Variants in SLC35G1 observed in about 807,000 individuals in gnomAD.
SLC35G1 encodes the protein solute carrier family 35 member G1.
SLC35G1 carries 10 observed loss-of-function variants against 17.1 expected under a neutral mutation model. That is an observed-to-expected ratio of 0.59 (90% confidence interval 0.36 to 0.99). SLC35G1 has a LOEUF of 0.99. SLC35G1 is among the 50% of genes least tolerant of loss of function. SLC35G1 has a pLI of 0.01. For missense variants in SLC35G1, 433 were observed against 468.4 expected, an observed-to-expected ratio of 0.92 and a Z score of 0.70; for synonymous variants, 185 against 181.1, an observed-to-expected ratio of 1.02 and a Z score of -0.18.
chr10:93,904,065 C>T (rs2060414384), downstream of SLC35G1, among the ~76,000 whole-genome samples: 1 of 152,288 alleles, frequency 6.6e-6, no homozygotes, highest in South Asian at 2.1e-4. Flanking sequence ...TCTTCTAGAT[C>T]CTGAGAACTT....
In SLC35G1 at chr10:93,899,834, T is replaced by C. The variant is rs2060366030; in HGVS notation, c.360-918T>C. 2.0e-5 allele frequency among the ~76,000 whole-genome samples: 3 copies of C among 152,192 alleles called. No individual in the cohort carries two copies. In the South Asian group the frequency reaches 6.2e-4, roughly 32 times the overall value. On this transcript the variant is annotated intron_variant, in intron 2 of 2. Transcript: ENST00000427197. ...TCTCCCCCATTTTGAAATAAAGATA[T>C]TGTCAGGGGAAGGACACTGGAAGAA...
Position 93,901,790 on chromosome 10 carries a change from ATT to A in SLC35G1, c.*302_*303del, listed in dbSNP as rs200637787. 2 of 203,744 alleles carry A rather than the reference ATT, an allele frequency of 9.8e-6. No individual in the cohort carries two copies. Among genetic ancestry groups the A allele is most frequent in the East Asian group, 1.4e-4 (1 of 7,358 alleles). 12.6% of individuals were successfully genotyped at this position (203,744 alleles called of 1,614,324 possible). On this transcript the variant is annotated 3_prime_UTR_variant, in exon 3 of 3. Coordinates refer to ENST00000427197, the MANE Select transcript of SLC35G1 (RefSeq NM_001134658.3). ...ACCAAAACATTTTATGGCTAGTAATATTTATGTAATTTTTAAAATGTATTTTT... is the reference window on the plus strand; with the variant it reads ...ACCAAAACATTTTATGGCTAGTAATATATGTAATTTTTAAAATGTATTTTT...
Position 93,901,451 on chromosome 10 carries a change from T to C in SLC35G1, c.1059T>C (p.Val353=). The change falls in exon 3 of 3, where the codon GTT becomes GTC. Residue 353 remains valine, a synonymous_variant. Transcript: ENST00000427197. The part of the protein sequence containing the change: ...GGALCVVASN[V]GAAIRKWYQS... ...CTCTCTGCGTAGTAGCCAGTAATGT[T>C]GGAGCGGCCATTCGTAAATGGTACC... 1.2e-6 allele frequency: 2 copies of C among 1,602,096 alleles called. No homozygotes were observed. The highest frequency in any genetic ancestry group is 1.7e-4 in the Middle Eastern group (1 of 5,984).
In SLC35G1 at chr10:93,909,430, A is replaced by G. The variant is rs1029164964; in HGVS notation, c.*2452A>G. On this transcript the variant is annotated 3_prime_UTR_variant and NMD_transcript_variant, in exon 3 of 3. Transcript: ENST00000483386. ...AAAAAAAATCCATGCAATTTTTTGC[A>G]TCCTAATTAATAATATATCTGTGTG... 4 of 151,702 alleles carry G rather than the reference A, an allele frequency of 2.6e-5. 1 individual carries two copies. The highest frequency in any genetic ancestry group is 4.2e-4 in the South Asian group (2 of 4,804). 9.4% of individuals were successfully genotyped at this position (151,702 alleles called of 1,614,324 possible).
At chr10:93,904,560 C>G (rs1259999340), downstream of SLC35G1, among the ~76,000 whole-genome samples, 2 of 152,200 alleles carry the variant, frequency 1.3e-5, no homozygotes, top group East Asian at 3.9e-4. Context: ...CCTCTAAGGC[C>G]TGTTAGCCTC....
At chr10:93,900,026 C>T (rs76861147) in intron 2 of SLC35G1, among the ~76,000 whole-genome samples, 2 of 152,174 alleles carry the variant, frequency 1.3e-5, no homozygotes, top group African/African-American at 4.8e-5. Context: ...CTAGCCCTGG[C>T]ACACGTCAGC....
At chr10:93,895,912 G>A (rs1025782849) in intron 1 of SLC35G1, among the ~76,000 whole-genome samples, 1 of 152,076 alleles carries the variant, frequency 6.6e-6, no homozygotes, top group East Asian at 1.9e-4. Context: ...ATCGAGTGTA[G>A]CAGTGGTTCT....
At chr10:93,900,486 A>G (rs894292696) in intron 2 of SLC35G1, among the ~76,000 whole-genome samples, 68 of 152,118 alleles carry the variant, frequency 4.5e-4, no homozygotes, top group Admixed American at 3.6e-3. Context: ...ATAAATATCT[A>G]TATTAATTGA....
chr10:93,901,501 C>A lies in SLC35G1; in HGVS notation c.*11C>A. The A allele has an allele frequency of 6.4e-7, 1 of 1,569,200 alleles. No individual in the cohort carries two copies. ...CAAAGTTCCAAATGAAGCATCATTGCTGAAATACATATTTTTTTCAAGTAC... is the reference window on the plus strand; with the variant it reads ...CAAAGTTCCAAATGAAGCATCATTGATGAAATACATATTTTTTTCAAGTAC... On this transcript the variant is annotated 3_prime_UTR_variant, in exon 3 of 3. Coordinates refer to ENST00000427197, the MANE Select transcript of SLC35G1 (RefSeq NM_001134658.3).
rs773043725 is a variant in SLC35G1, at chr10:93,901,511, T to A, written c.*21T>A. ...AATGAAGCATCATTGCTGAAATACA[T>A]ATTTTTTTCAAGTACACCATCACCT... is the stretch of plus-strand genomic sequence containing the variant. On this transcript the variant is annotated 3_prime_UTR_variant, in exon 3 of 3. Coordinates refer to ENST00000427197, the MANE Select transcript of SLC35G1 (RefSeq NM_001134658.3). The A allele has an allele frequency of 2.6e-6, 4 of 1,558,650 alleles. No individual in the cohort carries two copies. In the Admixed American group the frequency reaches 7.9e-5, roughly 31 times the overall value.
downstream of SLC35G1, among the ~76,000 whole-genome samples, chr10:93,904,162 T>C (rs560212700): frequency 1.3e-4 from 20 of 152,328 alleles, no homozygotes; most frequent in African/African-American, 4.6e-4. Context: ...TGTCTTCTTA[T>C]TGTCTTGTGG....
Position 93,901,202 on chromosome 10 carries a change from C to T in SLC35G1, c.810C>T (p.Leu270=). 3.1e-6 allele frequency: 5 copies of T among 1,614,104 alleles called. No individual in the cohort carries two copies. Among genetic ancestry groups the T allele is most frequent in the Non-Finnish European group, 4.2e-6 (5 of 1,179,978 alleles). Residue 270 remains leucine (L), a synonymous_variant, in exon 3 of 3, where the codon CTC becomes CTT. Coordinates refer to ENST00000427197, the MANE Select transcript of SLC35G1 (RefSeq NM_001134658.3). ...GCCTCGTTGAAAGTGTCATCATCCTCTCTGTATTAGGAGAGTGGAGTCTGC... is the reference window on the plus strand; with the variant it reads ...GCCTCGTTGAAAGTGTCATCATCCTTTCTGTATTAGGAGAGTGGAGTCTGC... ...VLGLVESVII[L]SVLGEWSLPY...
exon 3 of SLC35G1, chr10:93,909,821 G>A (rs141190114): frequency 2.0e-5 from 3 of 152,064 alleles, no homozygotes; most frequent in Non-Finnish European, 4.4e-5. Flanking sequence ...AATTTGTATC[G>A]TTTCACAAAT....
At chr10:93,907,061 G>A (rs545258976), downstream of SLC35G1, 1 of 152,216 alleles carries the variant, frequency 6.6e-6, no homozygotes, top group Admixed American at 6.5e-5. Context: ...TTATTAAAGT[G>A]TTATTTATAT....
downstream of SLC35G1, chr10:93,907,121 G>T (rs987665060): frequency 1.3e-5 from 2 of 152,110 alleles, no homozygotes; most frequent in Non-Finnish European, 2.9e-5. Flanking sequence ...GCTCACACCT[G>T]TAATCCCAGC....
rs1451794943 is a variant in SLC35G1 at position 93,902,604 on chromosome 10, A to G, written c.*1114A>G. The G allele has an allele frequency of 6.6e-6, 1 of 152,586 alleles. No individual in the cohort carries two copies. The highest frequency in any genetic ancestry group is 2.4e-5 in the African/African-American group (1 of 41,436). The allele number at this position is 152,586 out of a possible 1,614,324, so 9.5% of individuals were successfully genotyped here. On this transcript the variant is annotated 3_prime_UTR_variant, in exon 3 of 3. Transcript: ENST00000427197. ...TTTTTAAAATATGGTAATGTATTAA[A>G]CTTATTTTTATAGTTATGAAATTAT...
intron 1 of SLC35G1, 141 bp from the exon 2 acceptor site, chr10:93,898,430 A>T: frequency 1.4e-6 from 1 of 691,488 alleles, no homozygotes; most frequent in Non-Finnish European, 2.3e-6. Context: ...GGAAAATGGT[A>T]CAGGCCCAGA....
Position 93,903,264 on chromosome 10 carries a change from A to G in SLC35G1, c.*1774A>G, listed in dbSNP as rs2134071906. The G allele has an allele frequency of 6.6e-6, 1 of 152,332 alleles. No homozygotes were observed. The highest frequency in any genetic ancestry group is 2.1e-4 in the South Asian group (1 of 4,826). 9.4% of individuals were successfully genotyped at this position (152,332 alleles called of 1,614,324 possible). A position where few individuals can be genotyped will look rare whatever the true frequency, so the allele number is the denominator to read the frequency against. ...TATTGGAATTTAGACTTGCAAAAAC[A>G]TCATTCTGCAAATATCTTAGATAAT... is the stretch of plus-strand genomic sequence containing the variant. On this transcript the variant is annotated 3_prime_UTR_variant, in exon 3 of 3. Transcript: ENST00000427197.
At chr10:93,894,665 G>C (rs2060313237) in intron 1 of SLC35G1, among the ~76,000 whole-genome samples, 2 of 152,090 alleles carry the variant, frequency 1.3e-5, no homozygotes, top group Non-Finnish European at 2.9e-5. Context: ...AAAAATGTTC[G>C]TCCTAGAGTT....
Sources: gnomAD v4.1 joint callset for allele counts (sites outside exome capture counted in the v4.1 genomes callset) on GRCh38, gnomAD v4.1.1 for gene constraint, MANE v1.5 for transcripts, NCBI Gene and HGNC (gene_info 2026-07-23, HGNC 2026-07-21) for gene names.